Variants in TAFA1 observed in about 807,000 individuals in gnomAD.
TAFA1 encodes the protein chemokine-like protein TAFA-1.
A neutral mutation model predicts 18.5 loss-of-function variants in TAFA1; 4 were observed. That is an observed-to-expected ratio of 0.22 (90% CI 0.11 to 0.49). The LOEUF (loss-of-function observed/expected upper bound fraction) is 0.49, where lower values mean the gene tolerates loss of function less well. TAFA1 is among the 20% of genes least tolerant of loss of function. TAFA1 has a pLI of 0.98. For synonymous variants in TAFA1, 56 were observed against 55.2 expected, an observed-to-expected ratio of 1.01 and a Z score of -0.06; for missense variants, 147 against 169.0, an observed-to-expected ratio of 0.87 and a Z score of 0.72.
chr3:68,457,147 G>A lies in TAFA1; in HGVS notation c.259+39727G>A, dbSNP rs149060099. On this transcript the variant is annotated intron_variant, in intron 3 of 4. Coordinates refer to ENST00000478136, the MANE Select transcript of TAFA1 (RefSeq NM_213609.4). ...TCAACTCACTGCAATAGCAACTGTA[G>A]GGGGCTACAAAATTACATGGTAGTA... Among the ~76,000 whole-genome samples, 924 of 152,286 alleles carry A rather than the reference G, an allele frequency of 6.1e-3. 14 individuals carry two copies. Among genetic ancestry groups the A allele is most frequent in the African/African-American group, 0.02 (849 of 41,550 alleles).
intron 3 of TAFA1, among the ~76,000 whole-genome samples, chr3:68,480,253 A>AG (rs57797475): frequency 4.1e-4 from 62 of 150,924 alleles, no homozygotes; most frequent in Non-Finnish European, 7.8e-4. Flanking sequence ...AAAAAAAAAA[A>AG]TTAGCCAGGC....
chr3:68,147,490 C>T (rs2065756006), intron 2 of TAFA1, among the ~76,000 whole-genome samples: 1 of 152,092 alleles, frequency 6.6e-6, no homozygotes, highest in Admixed American at 6.6e-5. Context: ...CCTTCGATCT[C>T]TAGGGCCACT....
chr3:68,028,861 C>G (rs1259996840), intron 2 of TAFA1, among the ~76,000 whole-genome samples: 1 of 151,872 alleles, frequency 6.6e-6, no homozygotes, highest in East Asian at 1.9e-4. Context: ...TCAGGTGATT[C>G]TTTCTCCACA....
At chr3:68,113,245 T>G (rs915953391) in intron 2 of TAFA1, among the ~76,000 whole-genome samples, 1 of 152,178 alleles carries the variant, frequency 6.6e-6, no homozygotes, top group East Asian at 1.9e-4. Flanking sequence ...ACAGAATGGA[T>G]TTCTGCAATA....
intron 2 of TAFA1, among the ~76,000 whole-genome samples, chr3:68,084,375 C>T (rs1041440245): frequency 4.6e-5 from 7 of 152,154 alleles, no homozygotes; most frequent in African/African-American, 1.7e-4. Context: ...TTTTCTGCCA[C>T]GTTTTTGTGC....
intron 2 of TAFA1, among the ~76,000 whole-genome samples, chr3:68,229,134 C>G (rs562476289): frequency 2.6e-4 from 39 of 152,078 alleles, no homozygotes; most frequent in Non-Finnish European, 5.0e-4. Context: ...ATTTTTGAAC[C>G]AGATAGGCAC....
chr3:68,146,746 T>C (rs1023733213), intron 2 of TAFA1, among the ~76,000 whole-genome samples: 1 of 152,212 alleles, frequency 6.6e-6, no homozygotes, highest in African/African-American at 2.4e-5. Flanking sequence ...TAACTGAGGT[T>C]GAGAGGTCTG....
chr3:68,356,811 G>T (rs1001661292), intron 2 of TAFA1, among the ~76,000 whole-genome samples: 6 of 151,868 alleles, frequency 4.0e-5, no homozygotes, highest in African/African-American at 1.4e-4. Context: ...CATATATTGT[G>T]CTAAACACAT....
chr3:68,435,361 G>A (rs983162494), intron 3 of TAFA1, among the ~76,000 whole-genome samples: 1 of 152,150 alleles, frequency 6.6e-6, no homozygotes, highest in Non-Finnish European at 1.5e-5. Context: ...ATGAGCTCAT[G>A]CAGCAGCCTG....
chr3:68,341,251 G>A (rs934474672), intron 2 of TAFA1, among the ~76,000 whole-genome samples: 1 of 152,122 alleles, frequency 6.6e-6, no homozygotes, highest in Non-Finnish European at 1.5e-5. Flanking sequence ...TCAAGAAGTA[G>A]GGAGTACTGG....
intron 2 of TAFA1, chr3:68,145,485 T>C: frequency 1.1e-6 from 1 of 907,140 alleles, no homozygotes; most frequent in South Asian, 1.3e-5. Flanking sequence ...ACCACAAGAA[T>C]GGTTCTGCCC....
intron 2 of TAFA1, among the ~76,000 whole-genome samples, chr3:68,303,441 T>A (rs565312894): frequency 2.3e-4 from 35 of 151,408 alleles, no homozygotes; most frequent in Non-Finnish European, 4.3e-4. Context: ...GTTATGAAAA[T>A]TCTTTTTGTT....
upstream of TAFA1, among the ~76,000 whole-genome samples, chr3:67,999,863 A>C (rs1704265807): frequency 6.6e-6 from 1 of 150,410 alleles, no homozygotes; most frequent in African/African-American, 2.5e-5. Flanking sequence ...ATCTCGGCTC[A>C]CTGCAACCTC....
At chr3:68,315,679 T>C (rs943829568) in intron 2 of TAFA1, among the ~76,000 whole-genome samples, 1 of 152,230 alleles carries the variant, frequency 6.6e-6, no homozygotes, top group African/African-American at 2.4e-5. Context: ...GTAAGCACAC[T>C]ATGCAAATTG....
At chr3:68,470,687 A>G (rs989511812) in intron 3 of TAFA1, among the ~76,000 whole-genome samples, 1 of 152,214 alleles carries the variant, frequency 6.6e-6, no homozygotes, top group African/African-American at 2.4e-5. Flanking sequence ...AGAAATTTCT[A>G]AGCAGCAATG....
intron 2 of TAFA1, among the ~76,000 whole-genome samples, chr3:68,210,406 G>A (rs1461948258): frequency 6.6e-6 from 1 of 151,962 alleles, no homozygotes; most frequent in African/African-American, 2.4e-5. Flanking sequence ...GGCTTTGCTA[G>A]CTGCTCATCC....
chr3:68,478,013 A>G (rs1403550135), intron 3 of TAFA1, among the ~76,000 whole-genome samples: 3 of 152,322 alleles, frequency 2.0e-5, no homozygotes, highest in Non-Finnish European at 2.9e-5. Flanking sequence ...TGCTTTGTCC[A>G]GCAGAAAAGG....
chr3:68,272,074 G>A (rs77285629), intron 2 of TAFA1, among the ~76,000 whole-genome samples: 2,078 of 152,310 alleles, frequency 0.014, 25 homozygotes, highest in Middle Eastern at 0.051. Flanking sequence ...TCTGAGCAGA[G>A]TGAAATATGC....
chr3:68,007,326 T>A (rs1371487734), intron 2 of TAFA1, among the ~76,000 whole-genome samples: 1 of 152,162 alleles, frequency 6.6e-6, no homozygotes, highest in African/African-American at 2.4e-5. Context: ...TGATTTTTGT[T>A]TTGTTTTGTT....
Sources: gnomAD v4.1 joint callset for allele counts (sites outside exome capture counted in the v4.1 genomes callset) on GRCh38, gnomAD v4.1.1 for gene constraint, MANE v1.5 for transcripts, NCBI Gene and HGNC (gene_info 2026-07-23, HGNC 2026-07-21) for gene names.